RBFOX1: variants seen among roughly 807,000 people sequenced by gnomAD.
RBFOX1 encodes the protein RNA binding protein fox-1 homolog 1.
Under a neutral mutation model 57.7 loss-of-function variants are expected in RBFOX1, and 8 were observed. The observed-to-expected ratio is 0.14, with a 90% CI of 0.08 to 0.25. RBFOX1 has a LOEUF of 0.25. Ranked by LOEUF, RBFOX1 falls within the 10% of genes least tolerant of loss-of-function variation. The pLI, the probability that RBFOX1 is intolerant of heterozygous loss-of-function variation, is 1.00. For missense variants in RBFOX1, 611 were observed against 548.5 expected (o/e 1.11, Z -1.14); for synonymous variants, 326 against 222.4 (o/e 1.47, Z -4.15).
intron 4 of RBFOX1, among the ~76,000 whole-genome samples, chr16:7,122,442 A>G (rs1461212392): frequency 1.3e-5 from 2 of 152,114 alleles, no homozygotes; most frequent in Non-Finnish European, 2.9e-5. Flanking sequence ...GCAAAAACCT[A>G]AAAAAGAAAC....
At chr16:6,738,682 C>T (rs1041602799) in intron 3 of RBFOX1, among the ~76,000 whole-genome samples, 1 of 152,290 alleles carries the variant, frequency 6.6e-6, no homozygotes, top group Admixed American at 6.5e-5. Context: ...GAGCAGAATA[C>T]ACATTCTTTT....
At chr16:5,470,366 C>A (rs1336601288) in intron 2 of RBFOX1, among the ~76,000 whole-genome samples, 1 of 152,212 alleles carries the variant, frequency 6.6e-6, no homozygotes, top group Non-Finnish European at 1.5e-5. Context: ...CCCCCTTTTC[C>A]CACTGCAGCC....
intron 3 of RBFOX1, among the ~76,000 whole-genome samples, chr16:6,894,560 A>G (rs1049226800): frequency 1.3e-5 from 2 of 148,434 alleles, no homozygotes; most frequent in African/African-American, 4.9e-5. Context: ...CCCCAAAACA[A>G]GAAGTATTTC....
At chr16:7,068,061 T>G (rs2056522892) in intron 4 of RBFOX1, among the ~76,000 whole-genome samples, 1 of 151,958 alleles carries the variant, frequency 6.6e-6, no homozygotes, top group African/African-American at 2.4e-5. Context: ...CTTCTTCTGT[T>G]GTATCTGTCG....
chr16:6,880,077 C>T (rs72768900), intron 3 of RBFOX1, among the ~76,000 whole-genome samples: 39,915 of 152,078 alleles, frequency 0.26, 5,949 homozygotes, highest in East Asian at 0.47. Context: ...ACTCCTTTCT[C>T]CTTAGGGATG....
intron 4 of RBFOX1, among the ~76,000 whole-genome samples, chr16:7,264,729 A>G (rs2095061486): frequency 6.6e-6 from 1 of 152,224 alleles, no homozygotes; most frequent in Admixed American, 6.5e-5. Context: ...AATGTAATCA[A>G]CCATTCTTAG....
chr16:5,476,179 A>G (rs2069315667), intron 2 of RBFOX1, among the ~76,000 whole-genome samples: 1 of 152,240 alleles, frequency 6.6e-6, no homozygotes, highest in South Asian at 2.1e-4. Flanking sequence ...AAAATGCAGA[A>G]TCAGGCAATG....
At chr16:7,075,010 G>C (rs569702425) in intron 4 of RBFOX1, among the ~76,000 whole-genome samples, 3 of 152,034 alleles carry the variant, frequency 2.0e-5, no homozygotes, top group Non-Finnish European at 4.4e-5. Context: ...GAGAATTAAA[G>C]AAAAAGAGAA....
intron 3 of RBFOX1, among the ~76,000 whole-genome samples, chr16:6,897,955 C>G (rs1372945184): frequency 1.3e-5 from 2 of 152,158 alleles, no homozygotes; most frequent in African/African-American, 4.8e-5. Context: ...GGTCGGATCC[C>G]TGTGTTATAG....
At chr16:5,483,913 G>A (rs2069635023) in intron 2 of RBFOX1, among the ~76,000 whole-genome samples, 1 of 150,152 alleles carries the variant, frequency 6.7e-6, no homozygotes, top group Non-Finnish European at 1.5e-5. Flanking sequence ...GCTCATGCTT[G>A]TGATCCCAGC....
chr16:7,624,270 C>A (rs2142191025), intron 10 of RBFOX1, among the ~76,000 whole-genome samples: 1 of 152,282 alleles, frequency 6.6e-6, no homozygotes, highest in Non-Finnish European at 1.5e-5. Context: ...TACTACTAAA[C>A]TTTCAGTTAT....
chr16:6,907,150 G>T (rs548828174), intron 3 of RBFOX1, among the ~76,000 whole-genome samples: 3 of 152,314 alleles, frequency 2.0e-5, no homozygotes, highest in South Asian at 4.1e-4. Context: ...AGACATTTCT[G>T]TGTTTTACAA....
At chr16:6,487,449 T>G (rs1471193728) in intron 2 of RBFOX1, among the ~76,000 whole-genome samples, 1 of 151,646 alleles carries the variant, frequency 6.6e-6, no homozygotes, top group Non-Finnish European at 1.5e-5. Flanking sequence ...GTAAATAGGA[T>G]CAGTTGGATA....
chr16:7,125,185 G>T (rs1229489681), intron 4 of RBFOX1, among the ~76,000 whole-genome samples: 1 of 152,132 alleles, frequency 6.6e-6, no homozygotes, highest in Non-Finnish European at 1.5e-5. Context: ...AAGGGCTTGG[G>T]GGACGGGCCA....
chr16:7,607,999 G>A (rs761890797), intron 10 of RBFOX1, among the ~76,000 whole-genome samples: 17 of 152,170 alleles, frequency 1.1e-4, no homozygotes, highest in Non-Finnish European at 1.8e-4. Flanking sequence ...TAGTGGCTGA[G>A]ATTTCATGTC....
At chr16:6,752,271 A>G (rs1237966159) in intron 3 of RBFOX1, among the ~76,000 whole-genome samples, 3 of 152,220 alleles carry the variant, frequency 2.0e-5, no homozygotes, top group African/African-American at 7.2e-5. Flanking sequence ...CATCGAAGTG[A>G]TAGATTGAAA....
intron 3 of RBFOX1, among the ~76,000 whole-genome samples, chr16:6,772,662 G>C (rs957028095): frequency 6.7e-6 from 1 of 149,526 alleles, no homozygotes; most frequent in African/African-American, 2.5e-5. Flanking sequence ...GTGTGTGTAT[G>C]TGGACTTTGA....
chr16:6,846,853 A>G (rs1250804373), intron 3 of RBFOX1, among the ~76,000 whole-genome samples: 1 of 152,030 alleles, frequency 6.6e-6, no homozygotes. Context: ...TGGCATGCTC[A>G]TAAGTTCTAG....
At chr16:5,266,803 C>T (rs1456174700) in intron 1 of RBFOX1, among the ~76,000 whole-genome samples, 1 of 151,992 alleles carries the variant, frequency 6.6e-6, no homozygotes, top group African/African-American at 2.4e-5. Flanking sequence ...AAGCAATCTG[C>T]TCACCTCGGC....
Sources: gnomAD v4.1 joint callset for allele counts (sites outside exome capture counted in the v4.1 genomes callset) on GRCh38, gnomAD v4.1.1 for gene constraint, MANE v1.5 for transcripts, NCBI Gene and HGNC (gene_info 2026-07-23, HGNC 2026-07-21) for gene names.